The following BUB1 variants were observed in gnomAD, a reference collection of about 807,000 sequenced individuals.
The protein encoded by BUB1 is BUB1 mitotic checkpoint serine/threonine kinase.
BUB1 carries 84 observed loss-of-function variants against 135.2 expected under a neutral mutation model. That is an observed-to-expected ratio of 0.62 (90% CI 0.52 to 0.74). BUB1 has a LOEUF of 0.74. Ranked by LOEUF, BUB1 falls within the 30% of genes least tolerant of loss-of-function variation. The pLI is 0.00. For missense variants in BUB1, 1,162 were observed against 1,288.3 expected (o/e 0.90, Z 1.50); for synonymous variants, 403 against 434.4 (o/e 0.93, Z 0.90).
In BUB1 at chr2:110,667,660, G is replaced by A. The variant is rs1198597795; in HGVS notation, c.666C>T (p.His222=). Residue 222 remains histidine, a synonymous_variant, in exon 8 of 25, where the codon CAC becomes CAT. Coordinates refer to ENST00000302759, the MANE Select transcript of BUB1 (RefSeq NM_004336.5). ...CATCAACTTTGGATGCCAAAGATGA[G>A]TGCACAGAATATTCTGATTTAGAAA... ...ITISKSEYSV[H]SSLASKVDVE... 2 of 1,613,752 alleles carry A rather than the reference G, an allele frequency of 1.2e-6. No individual in the cohort carries two copies. Among genetic ancestry groups the A allele is most frequent in the East Asian group, 2.2e-5 (1 of 44,862 alleles).
chr2:110,644,478 CAA>C (rs57312823), intron 19 of BUB1, among the ~76,000 whole-genome samples: 12 of 63,154 alleles, frequency 1.9e-4, no homozygotes, highest in East Asian at 5.1e-4. Flanking sequence ...AACCCCGTCT[CAA>C]AAAAAAAAAA....
At position 110,677,957 on chromosome 2, in the gene BUB1, G is replaced by A. The variant is rs765080126; in HGVS notation, c.26+13C>T. 2 of 1,607,984 alleles carry A rather than the reference G, an allele frequency of 1.2e-6. No homozygotes were observed. Among genetic ancestry groups the A allele is most frequent in the Non-Finnish European group, 1.7e-6 (2 of 1,177,534 alleles). On this transcript the variant is annotated intron_variant, in intron 1 of 24. Coordinates refer to ENST00000302759, the MANE Select transcript of BUB1 (RefSeq NM_004336.5). ...CCCCCTGGGCTTCCCCACCCCACCA[G>A]ACGGACACTTACTGAAGGACATTTT...
intron 1 of BUB1, among the ~76,000 whole-genome samples, chr2:110,676,166 G>C (rs1690575791): frequency 6.6e-6 from 1 of 151,640 alleles, no homozygotes. Context: ...GCTTTTAGAA[G>C]CTGAGAAAAA....
intron 19 of BUB1, among the ~76,000 whole-genome samples, chr2:110,643,957 TAAAG>T (rs768775303): frequency 1.5e-5 from 2 of 135,010 alleles, no homozygotes; most frequent in Non-Finnish European, 3.0e-5. Context: ...GTAACAGAAA[TAAAG>T]AATGCCTTTG....
At chr2:110,639,669 T>A (rs972495810) in intron 24 of BUB1, 73 bp downstream of exon 24, 2 of 1,238,394 alleles carry the variant, frequency 1.6e-6, no homozygotes, top group African/African-American at 3.0e-5. Flanking sequence ...CCTTTTTTTT[T>A]TTTTGCCAGA....
At chr2:110,652,339 AAT>A (rs1469247117) in intron 17 of BUB1, among the ~76,000 whole-genome samples, 2 of 152,070 alleles carry the variant, frequency 1.3e-5, no homozygotes, top group Non-Finnish European at 2.9e-5. Flanking sequence ...TTAGTGTCAC[AAT>A]TTTTGTGTCT....
chr2:110,649,790 T>C (rs1211607310), intron 18 of BUB1, among the ~76,000 whole-genome samples: 2 of 152,206 alleles, frequency 1.3e-5, no homozygotes, highest in East Asian at 1.9e-4. Context: ...ACAAAACTTA[T>C]ACTACCTATG....
intron 10 of BUB1, 120 bp from the exon 11 acceptor site, chr2:110,660,156 G>A (rs1229122999): frequency 5.6e-6 from 4 of 709,758 alleles, no homozygotes; most frequent in Non-Finnish European, 9.4e-6. Context: ...AGGATCACCT[G>A]AGGTCAGAAG....
chr2:110,655,834 G>A lies in BUB1; in HGVS notation c.1781C>T (p.Pro594Leu). 1 of 1,614,028 alleles carries A rather than the reference G, an allele frequency of 6.2e-7. No homozygotes were observed. Among genetic ancestry groups the A allele is most frequent in the Non-Finnish European group, 8.5e-7 (1 of 1,179,934 alleles). ...AGATGTGAAGTCTCCTGGGCTCTTA[G>A]GACTGGGTGCCAGGGTTTTGTTGCA... ...IRCNKTLAPS[P>L]KSPGDFTSAA... Residue 594 changes from proline to leucine, a missense_variant, in exon 16 of 25, where the codon CCT becomes CTT. Coordinates refer to ENST00000302759, the MANE Select transcript of BUB1 (RefSeq NM_004336.5).
At chr2:110,645,435 C>T (rs1010867202) in intron 19 of BUB1, among the ~76,000 whole-genome samples, 1 of 149,538 alleles carries the variant, frequency 6.7e-6, no homozygotes, top group Non-Finnish European at 1.5e-5. Flanking sequence ...GAGCGAGACT[C>T]CTTCTCAAAA....
chr2:110,641,756 C>T lies in BUB1; in HGVS notation c.2511G>A (p.Leu837=). ...NPWEFYIGTQ[L]MERLKPSMQH... ...GCATAGATGGCTTTAGTCTTTCCATCAACTGGGTCCCAATGTAGAATTCCC... is the reference window on the plus strand; with the variant it reads ...GCATAGATGGCTTTAGTCTTTCCATTAACTGGGTCCCAATGTAGAATTCCC... Residue 837 remains leucine (L), a synonymous_variant, in exon 21 of 25, where the codon TTG becomes TTA. Coordinates refer to ENST00000302759, the MANE Select transcript of BUB1 (RefSeq NM_004336.5). 1.9e-6 allele frequency: 3 copies of T among 1,610,082 alleles called. No individual in the cohort carries two copies. Among genetic ancestry groups the T allele is most frequent in the Non-Finnish European group, 2.5e-6 (3 of 1,179,948 alleles).
In BUB1 at chr2:110,667,686, T is replaced by C. The variant is rs370987761; in HGVS notation, c.640A>G (p.Ile214Val). ...TGCACAGAATATTCTGATTTAGAAA[T>C]CGTGATCACTCTTCGTTCCCTACAA... ...ESNMERRVIT[I>V]SKSEYSVHSS... Residue 214 changes from isoleucine (I) to valine (V), a missense_variant, in exon 8 of 25, where the codon ATT (isoleucine) becomes GTT (valine). Physicochemically the swap from Ile to Val is conservative, Grantham distance 29. Transcript: ENST00000302759. 7 of 1,613,004 alleles carry C rather than the reference T, an allele frequency of 4.3e-6. No individual in the cohort carries two copies. In the African/African-American group the frequency reaches 9.4e-5, roughly 22 times the overall value.
intron 18 of BUB1, 121 bp from the exon 19 acceptor site, chr2:110,649,498 TAA>T (rs1216361941): frequency 3.2e-6 from 3 of 930,832 alleles, no homozygotes; most frequent in African/African-American, 3.4e-5. Flanking sequence ...CAAAGCCTTA[TAA>T]GAGTATTAAT....
At chr2:110,643,058 AG>A (rs1689545375) in intron 19 of BUB1, among the ~76,000 whole-genome samples, 1 of 152,236 alleles carries the variant, frequency 6.6e-6, no homozygotes, top group East Asian at 1.9e-4. Context: ...GATGTAAAGT[AG>A]TAGATTTCTG....
intron 1 of BUB1, among the ~76,000 whole-genome samples, chr2:110,676,778 T>C (rs554866607): frequency 1.3e-5 from 2 of 152,244 alleles, no homozygotes; most frequent in African/African-American, 4.8e-5. Context: ...TATATTATAA[T>C]AATGTAAATA....
At chr2:110,671,617 T>C (rs1196977637) in intron 4 of BUB1, among the ~76,000 whole-genome samples, 1 of 152,186 alleles carries the variant, frequency 6.6e-6, no homozygotes, top group South Asian at 2.1e-4. Flanking sequence ...TTTGGTTACA[T>C]GCACCACAAG....
At chr2:110,655,672 C>A in intron 16 of BUB1, 67 bp downstream of exon 16, 1 of 1,371,310 alleles carries the variant, frequency 7.3e-7, no homozygotes, top group South Asian at 1.7e-5. Flanking sequence ...AAGAATCAAA[C>A]TTCATGAAGA....
chr2:110,656,261 G>C (rs895444354), intron 15 of BUB1, among the ~76,000 whole-genome samples: 9 of 152,070 alleles, frequency 5.9e-5, no homozygotes, highest in Non-Finnish European at 2.9e-5. Flanking sequence ...ATAGAACTGT[G>C]GCACATTTGT....
Position 110,656,168 on chromosome 2 carries a change from T to C in BUB1, c.1699-252A>G, listed in dbSNP as rs140317304. ...ATATATATTTTTTAATTTGAAAAAG[T>C]TGTGATTTACAGAAGAGTTACAAAG... On this transcript the variant is annotated intron_variant, in intron 15 of 24. Coordinates refer to ENST00000302759, the MANE Select transcript of BUB1 (RefSeq NM_004336.5). Among the ~76,000 whole-genome samples, 399 of 152,298 alleles carry C rather than the reference T, an allele frequency of 2.6e-3. 1 individual carries two copies. Among genetic ancestry groups the C allele is most frequent in the Non-Finnish European group, 3.4e-3 (230 of 68,022 alleles).
Sources: allele counts gnomAD v4.1 joint callset (sites outside exome capture counted in the v4.1 genomes callset), GRCh38; gene constraint gnomAD v4.1.1; transcripts MANE v1.5; gene names NCBI Gene and HGNC (gene_info 2026-07-23, HGNC 2026-07-21).